Variants in SMARCAL1 observed in about 807,000 individuals in gnomAD.
SMARCAL1 encodes SNF2 related chromatin remodeling annealing helicase 1.
In SMARCAL1, 58 loss-of-function variants were observed where a neutral mutation model predicts 94.5. That is an observed-to-expected ratio of 0.61 (90% CI 0.50 to 0.76). SMARCAL1 has a LOEUF of 0.76. SMARCAL1 is among the 30% of genes least tolerant of loss of function. The probability of loss-of-function intolerance (pLI) is 0.00; values close to 1 mark genes in which losing one functional copy is unlikely to be tolerated. For synonymous variants in SMARCAL1, 422 were observed against 455.1 expected, an observed-to-expected ratio of 0.93 and a Z score of 0.93; for missense variants, 1,051 against 1,177.9, an observed-to-expected ratio of 0.89 and a Z score of 1.58.
chr2:216,418,648 A>G (rs1469584174), intron 4 of SMARCAL1, among the ~76,000 whole-genome samples: 2 of 152,208 alleles, frequency 1.3e-5, no homozygotes, highest in Admixed American at 1.3e-4. Flanking sequence ...GTGAAGAAGA[A>G]AAACCATCCC....
At chr2:216,472,644 T>C (rs1022091432) in intron 14 of SMARCAL1, among the ~76,000 whole-genome samples, 1 of 146,248 alleles carries the variant, frequency 6.8e-6, no homozygotes, top group African/African-American at 2.5e-5. Flanking sequence ...TGTAAAGGTA[T>C]TTCCTAACTC....
chr2:216,438,947 C>T (rs1465356941), intron 10 of SMARCAL1, among the ~76,000 whole-genome samples: 1 of 152,152 alleles, frequency 6.6e-6, no homozygotes, highest in East Asian at 1.9e-4. Context: ...CAAAAAAACG[C>T]AATTACTTTT....
chr2:216,471,027 C>A (rs1694954970), intron 14 of SMARCAL1, among the ~76,000 whole-genome samples: 1 of 151,984 alleles, frequency 6.6e-6, no homozygotes, highest in African/African-American at 2.4e-5. Flanking sequence ...AATACATGGC[C>A]CTTTACCATA....
At chr2:216,464,761 CG>C in intron 13 of SMARCAL1, 94 bp downstream of exon 13, 1 of 905,438 alleles carries the variant, frequency 1.1e-6, no homozygotes, top group Non-Finnish European at 1.8e-6. Flanking sequence ...GATTTTACTG[CG>C]TCTAAGAAAT....
chr2:216,416,024 T>A lies in SMARCAL1; in HGVS notation c.812-233T>A, dbSNP rs1693593105. The A allele has an allele frequency of 8.1e-6, 4 of 494,342 alleles. 1 individual carries two copies. The highest frequency in any genetic ancestry group is 1.5e-5 in the Non-Finnish European group (4 of 267,506). The allele number at this position is 494,342 out of a possible 1,614,324, so 30.6% of individuals were successfully genotyped here. A position where few individuals can be genotyped will look rare whatever the true frequency, so the allele number is the denominator to read the frequency against. The stretch of plus-strand genomic sequence containing the variant: ...CTAGTCCTAACTCTGCCCTCAGTCC[T>A]CTTAGGTGAAGTTCATAACTTCCCA... On this transcript the variant is annotated intron_variant, in intron 3 of 17. Transcript: ENST00000357276.
At chr2:216,460,754 G>A (rs1034618548) in intron 12 of SMARCAL1, among the ~76,000 whole-genome samples, 2 of 151,554 alleles carry the variant, frequency 1.3e-5, no homozygotes, top group African/African-American at 4.9e-5. Context: ...GTTAATGGGT[G>A]CAGCACACCA....
At position 216,482,724 on chromosome 2, in the gene SMARCAL1, T is replaced by C. The variant is rs1695227801; in HGVS notation, c.2626-14T>C. 1 of 1,614,246 alleles carries C rather than the reference T, an allele frequency of 6.2e-7. No individual in the cohort carries two copies. Among genetic ancestry groups the C allele is most frequent in the Non-Finnish European group, 8.5e-7 (1 of 1,180,038 alleles). On this transcript the variant is annotated splice_polypyrimidine_tract_variant and intron_variant, in intron 17 of 17. Coordinates refer to ENST00000357276, the MANE Select transcript of SMARCAL1 (RefSeq NM_014140.4). This position sits in a 1 kb window ranked among gnomAD's most constrained non-coding sequence, Gnocchi z 4.3. The stretch of plus-strand genomic sequence containing the variant: ...GCTCTTCCTTTTATCTTTTGTTTTC[T>C]TTCTCTGATGAAGGACCCAAAGCAG...
intron 10 of SMARCAL1, among the ~76,000 whole-genome samples, chr2:216,439,168 C>T (rs1694143308): frequency 1.3e-5 from 2 of 152,100 alleles, no homozygotes. Flanking sequence ...TCTGGCTTCA[C>T]AGCAAGCAGG....
intron 12 of SMARCAL1, among the ~76,000 whole-genome samples, chr2:216,460,685 G>T: frequency 8.8e-6 from 1 of 113,340 alleles, no homozygotes; most frequent in Non-Finnish European, 1.8e-5. Flanking sequence ...AGGGCCTGTT[G>T]TGGGGTGGGG....
At chr2:216,423,180 G>GC (rs1693762282) in intron 5 of SMARCAL1, among the ~76,000 whole-genome samples, 1 of 152,350 alleles carries the variant, frequency 6.6e-6, no homozygotes, top group African/African-American at 2.4e-5. Context: ...CTGACCACAT[G>GC]CAACTTGTTT....
chr2:216,426,450 A>T (rs1210027298), intron 6 of SMARCAL1, among the ~76,000 whole-genome samples: 1 of 152,252 alleles, frequency 6.6e-6, no homozygotes. Flanking sequence ...CATAATGGCC[A>T]CAAATAAGAT....
At chr2:216,420,274 C>T in intron 4 of SMARCAL1, 25 bp from the exon 5 acceptor site, 1 of 1,581,648 alleles carries the variant, frequency 6.3e-7, no homozygotes, top group Non-Finnish European at 8.7e-7. Context: ...TTTATCACTT[C>T]TGTTCGATTC....
chr2:216,475,284 C>T lies in SMARCAL1; in HGVS notation c.2260C>T (p.Arg754Cys), dbSNP rs1226816517. The change falls in exon 15 of 18, where the codon CGC becomes TGC. Residue 754 changes from arginine (R) to cysteine (C), a missense_variant. This residue lies in a region of SMARCAL1 where 642 missense variants were observed against 754.7 expected (regional missense o/e 0.85). Transcript: ENST00000357276. The surrounding 1 kb of genome is among the most constrained non-coding windows in gnomAD (Gnocchi z 4.4). ...ELERKHVQHIRIDGSTSSAER... is the reference protein window; with the variant it reads ...ELERKHVQHICIDGSTSSAER... ...GTTCCTGCAGCACGTGCAGCACATC[C>T]GCATCGATGGCTCCACCTCATCAGC... 9 of 1,614,054 alleles carry T rather than the reference C, an allele frequency of 5.6e-6. No individual in the cohort carries two copies. The highest frequency in any genetic ancestry group is 4.5e-5 in the East Asian group (2 of 44,898).
chr2:216,435,357 C>A lies in SMARCAL1; in HGVS notation c.1505C>A (p.Pro502Gln), dbSNP rs755386504. 2.5e-6 allele frequency: 4 copies of A among 1,614,120 alleles called. No homozygotes were observed. The highest frequency in any genetic ancestry group is 3.4e-6 in the Non-Finnish European group (4 of 1,180,030). ...CCACAGGCCTTCCTTCGGTGGCTGC[C>A]ATCTCTGAGCCCAGATTGCATCAAC... The part of the protein sequence containing the change: ...TWEQAFLRWL[P>Q]SLSPDCINVV... The change falls in exon 9 of 18, where the codon CCA becomes CAA. Residue 502 changes from proline (P) to glutamine (Q), a missense_variant. By Grantham distance (76) the Pro-to-Gln change is moderately conservative. Transcript: ENST00000357276.
rs189537120 is a variant in SMARCAL1 at position 216,437,299 on chromosome 2, G to A, written c.1645-1121G>A. 7.3e-3 allele frequency among the ~76,000 whole-genome samples: 1,109 copies of A among 152,280 alleles called. 57 individuals are homozygous for A. The highest frequency in any genetic ancestry group is 0.069 in the Admixed American group (1,054 of 15,286). On this transcript the variant is annotated intron_variant, in intron 9 of 17. Coordinates refer to ENST00000357276, the MANE Select transcript of SMARCAL1 (RefSeq NM_014140.4). The stretch of plus-strand genomic sequence containing the variant: ...CTCATGATCAGAAAGGCATATGACC[G>A]TAACACTCCAGCTTTCTGGACAGGA...
At chr2:216,419,735 A>G (rs1213412533) in intron 4 of SMARCAL1, among the ~76,000 whole-genome samples, 1 of 152,130 alleles carries the variant, frequency 6.6e-6, no homozygotes, top group Non-Finnish European at 1.5e-5. Flanking sequence ...TTTTGATGTG[A>G]AAAATGTAGG....
At chr2:216,428,562 A>C in intron 6 of SMARCAL1, 34 bp from the exon 7 acceptor site, 1 of 1,607,146 alleles carries the variant, frequency 6.2e-7, no homozygotes, top group East Asian at 2.2e-5. Flanking sequence ...GGGCATGAAC[A>C]CTCCAGCTCA....
chr2:216,472,940 G>A (rs1694998473), intron 14 of SMARCAL1, among the ~76,000 whole-genome samples: 1 of 152,002 alleles, frequency 6.6e-6, no homozygotes, highest in African/African-American at 2.4e-5. Context: ...TTTTCTTTTT[G>A]CTATCGTACT....
chr2:216,416,089 A>G (rs1693594642), intron 3 of SMARCAL1, 168 bp from the exon 4 acceptor site: 5 of 652,414 alleles, frequency 7.7e-6, no homozygotes, highest in Admixed American at 6.5e-5. Context: ...TAAAAGAATT[A>G]TCTATATTTA....
Sources: gnomAD v4.1 joint callset for allele counts (sites outside exome capture counted in the v4.1 genomes callset) on GRCh38, gnomAD v4.1.1 for gene constraint, gnomAD v4.1.1 regional missense constraint, Gnocchi (gnomAD v3.1) non-coding constraint, MANE v1.5 for transcripts, NCBI Gene and HGNC (gene_info 2026-07-23, HGNC 2026-07-21) for gene names.